NRG1: variants seen among roughly 807,000 people sequenced by gnomAD.
The protein encoded by NRG1 is neuregulin 1.
A neutral mutation model predicts 63.8 loss-of-function variants in NRG1; 18 were observed. The observed-to-expected ratio is 0.28, with a 90% CI of 0.19 to 0.42. The LOEUF (loss-of-function observed/expected upper bound fraction) is 0.42, where lower values mean the gene tolerates loss of function less well. NRG1 is among the 10% of genes least tolerant of loss of function. The pLI, the probability that NRG1 is intolerant of heterozygous loss-of-function variation, is 1.00. For missense variants in NRG1, 762 were observed against 814.7 expected, an observed-to-expected ratio of 0.94 and a Z score of 0.79; for synonymous variants, 302 against 301.3, an observed-to-expected ratio of 1.00 and a Z score of -0.02.
At chr8:32,523,504 G>A (rs909952313) in intron 1 of NRG1, among the ~76,000 whole-genome samples, 5 of 152,066 alleles carry the variant, frequency 3.3e-5, no homozygotes, top group African/African-American at 4.8e-5. Context: ...TTTCTAGTAC[G>A]GTAAACACTG....
In NRG1 at chr8:31,839,958, A is replaced by C. The variant is rs141701339; in HGVS notation, c.37+200527A>C. Among the ~76,000 whole-genome samples, 60 of 152,212 alleles carry C rather than the reference A, an allele frequency of 3.9e-4. No homozygotes were observed. The East Asian group carries it at 0.011, about 29-fold the overall frequency. On this transcript the variant is annotated intron_variant, in intron 1 of 10. Transcript: ENST00000519301. ...TGGTTTTCGGGAGCCACCAGATGGGAGCAAATTTCCAAGGCTGCTGAGAAG... is the reference window on the plus strand; with the variant it reads ...TGGTTTTCGGGAGCCACCAGATGGGCGCAAATTTCCAAGGCTGCTGAGAAG...
chr8:32,250,212 A>T (rs561715063), intron 1 of NRG1, among the ~76,000 whole-genome samples: 1 of 152,242 alleles, frequency 6.6e-6, no homozygotes, highest in East Asian at 1.9e-4. Context: ...AATCAACTCC[A>T]TAAAAACGGT....
At chr8:31,889,544 A>C (rs1421931723) in intron 1 of NRG1, among the ~76,000 whole-genome samples, 1 of 152,196 alleles carries the variant, frequency 6.6e-6, no homozygotes, top group Non-Finnish European at 1.5e-5. Context: ...TTCAGGAGGG[A>C]ACCCAGCTGG....
At chr8:31,812,569 C>A (rs1450268113) in intron 1 of NRG1, among the ~76,000 whole-genome samples, 1 of 151,434 alleles carries the variant, frequency 6.6e-6, no homozygotes, top group Non-Finnish European at 1.5e-5. Context: ...TCCTCCTTCC[C>A]TTCCTCCTCC....
chr8:32,316,724 C>G (rs1369821637), intron 1 of NRG1, among the ~76,000 whole-genome samples: 3 of 152,092 alleles, frequency 2.0e-5, no homozygotes, highest in Non-Finnish European at 4.4e-5. Context: ...TGAAACTTCA[C>G]TCATTACTGA....
At chr8:32,117,571 A>G (rs1832900648) in intron 1 of NRG1, among the ~76,000 whole-genome samples, 1 of 152,084 alleles carries the variant, frequency 6.6e-6, no homozygotes, top group Non-Finnish European at 1.5e-5. Flanking sequence ...GTTACCTAGG[A>G]TATATAAATT....
At chr8:32,723,688 C>CAAAAAAAAAAAAAAAAAAAAAAA (rs530225180) in intron 5 of NRG1, among the ~76,000 whole-genome samples, 1 of 33,806 alleles carries the variant, frequency 3.0e-5, no homozygotes, top group Non-Finnish European at 4.7e-5. Flanking sequence ...GACTCCATCT[C>CAAAAAAAAAAAAAAAAAAAAAAA]AAAAAAAAAA....
intron 1 of NRG1, among the ~76,000 whole-genome samples, chr8:31,925,470 G>C (rs1028407827): frequency 6.6e-6 from 1 of 151,946 alleles, no homozygotes; most frequent in Non-Finnish European, 1.5e-5. Flanking sequence ...TATCGTGCTT[G>C]AGTTTGGTCA....
At chr8:32,559,599 G>C (rs952818936) in intron 1 of NRG1, among the ~76,000 whole-genome samples, 1 of 152,102 alleles carries the variant, frequency 6.6e-6, no homozygotes, top group African/African-American at 2.4e-5. Flanking sequence ...GATTCAAAAA[G>C]TATCAATACA....
chr8:32,450,864 G>A (rs1008818097), intron 1 of NRG1, among the ~76,000 whole-genome samples: 1 of 152,120 alleles, frequency 6.6e-6, no homozygotes, highest in Non-Finnish European at 1.5e-5. Flanking sequence ...ACTTATCTCA[G>A]GCCTGTGTGT....
chr8:31,656,712 T>C (rs1297946834), intron 1 of NRG1, among the ~76,000 whole-genome samples: 2 of 152,188 alleles, frequency 1.3e-5, no homozygotes, highest in Non-Finnish European at 2.9e-5. Context: ...TGTGTTTTTC[T>C]CCTGAGCTAA....
intron 1 of NRG1, among the ~76,000 whole-genome samples, chr8:32,208,656 G>C (rs1844334502): frequency 6.6e-6 from 1 of 152,134 alleles, no homozygotes; most frequent in Non-Finnish European, 1.5e-5. Flanking sequence ...TGCAGTAAAA[G>C]ATTATGTATA....
chr8:32,267,095 AAAGG>A (rs144798860), intron 1 of NRG1, among the ~76,000 whole-genome samples: 23,318 of 147,046 alleles, frequency 0.16, 2,059 homozygotes, highest in East Asian at 0.22. Context: ...AAAGAGAGAG[AAAGG>A]AAGGAAGGAA....
At chr8:32,322,845 T>C (rs1801573985) in intron 1 of NRG1, among the ~76,000 whole-genome samples, 2 of 144,000 alleles carry the variant, frequency 1.4e-5, no homozygotes, top group Admixed American at 1.4e-4. Context: ...TTTTATTCTA[T>C]AATAGCAATT....
intron 1 of NRG1, among the ~76,000 whole-genome samples, chr8:31,786,594 C>T (rs1042716828): frequency 6.6e-6 from 1 of 152,190 alleles, no homozygotes; most frequent in South Asian, 2.1e-4. Context: ...GTGCTTCCAG[C>T]CAGCTGGCTA....
intron 1 of NRG1, among the ~76,000 whole-genome samples, chr8:31,979,986 T>C (rs1808818182): frequency 6.6e-6 from 1 of 152,076 alleles, no homozygotes; most frequent in African/African-American, 2.4e-5. Flanking sequence ...TTCTATGCAC[T>C]TTACAAATAA....
At chr8:32,071,107 C>G (rs1825698885) in intron 1 of NRG1, among the ~76,000 whole-genome samples, 1 of 152,190 alleles carries the variant, frequency 6.6e-6, no homozygotes, top group Admixed American at 6.6e-5. Flanking sequence ...GCCCATCATT[C>G]TCTCAGCCTC....
At chr8:32,691,579 A>G (rs1486224429) in intron 5 of NRG1, among the ~76,000 whole-genome samples, 1 of 152,192 alleles carries the variant, frequency 6.6e-6, no homozygotes, top group African/African-American at 2.4e-5. Flanking sequence ...AATTTTCTAT[A>G]TACTAGTGAA....
At chr8:32,131,221 A>G (rs1834777044) in intron 1 of NRG1, among the ~76,000 whole-genome samples, 1 of 152,002 alleles carries the variant, frequency 6.6e-6, no homozygotes, top group South Asian at 2.1e-4. Context: ...CTTGAAAAAT[A>G]AAACATGCTT....
Sources: gnomAD v4.1 joint callset for allele counts (sites outside exome capture counted in the v4.1 genomes callset) on GRCh38, gnomAD v4.1.1 for gene constraint, MANE v1.5 for transcripts, NCBI Gene and HGNC (gene_info 2026-07-23, HGNC 2026-07-21) for gene names.